The following ANKRD23 variants were observed in gnomAD, a reference collection of about 807,000 sequenced individuals.
The protein encoded by ANKRD23 is ankyrin repeat domain-containing protein 23.
A neutral mutation model predicts 38.1 loss-of-function variants in ANKRD23; 52 were observed. The observed-to-expected ratio is 1.36, with a 90% CI of 1.09 to 1.72. The LOEUF (loss-of-function observed/expected upper bound fraction) is 1.72, where lower values mean the gene tolerates loss of function less well. Among genes scored for constraint, ANKRD23 ranks in the 40% most tolerant of loss-of-function variants. The probability of loss-of-function intolerance (pLI) is 0.00; values close to 1 mark genes in which losing one functional copy is unlikely to be tolerated. For missense variants in ANKRD23, 416 were observed against 400.2 expected (o/e 1.04, Z -0.34); for synonymous variants, 167 against 162.9 (o/e 1.03, Z -0.19).
In ANKRD23 at chr2:96,838,552, C is replaced by T. The variant is rs1026541238; in HGVS notation, c.*997G>A. 5.8e-5 allele frequency: 57 copies of T among 985,720 alleles called. No homozygotes were observed. The highest frequency in any genetic ancestry group is 6.4e-5 in the Non-Finnish European group (53 of 830,280). The allele number at this position is 985,720 out of a possible 1,614,324, so 61.1% of individuals were successfully genotyped here. On this transcript the variant is annotated 3_prime_UTR_variant, in exon 9 of 9. Transcript: ENST00000318357. Reference sequence around the variant, plus strand: ...CAGAGCTCCTCAGTGTCCTGGCCTCCCAGGTGGGATCAAGCAGGGTGGGTG... The same window carrying T: ...CAGAGCTCCTCAGTGTCCTGGCCTCTCAGGTGGGATCAAGCAGGGTGGGTG...
In ANKRD23 at chr2:96,840,413, C is replaced by T; in HGVS notation, c.525+3G>A. The T allele has an allele frequency of 1.2e-6, 2 of 1,614,002 alleles. No homozygotes were observed. The highest frequency in any genetic ancestry group is 1.7e-6 in the Non-Finnish European group (2 of 1,180,000). On this transcript the variant is annotated splice_donor_region_variant and intron_variant, in intron 5 of 8. Transcript: ENST00000318357. ...CAGAGGCTGGGCCTTTCCCCATCCT[C>T]ACCAAGTCTCGCGCGTCCACTGTGG...
rs1299335921 is a variant in ANKRD23 at position 96,838,836 on chromosome 2, T to C, written c.*713A>G. 1.0e-6 allele frequency: 1 copy of C among 985,532 alleles called. No homozygotes were observed. Among genetic ancestry groups the C allele is most frequent in the Non-Finnish European group, 1.2e-6 (1 of 830,000 alleles). The allele number at this position is 985,532 out of a possible 1,614,324, so 61.0% of individuals were successfully genotyped here. On this transcript the variant is annotated 3_prime_UTR_variant, in exon 9 of 9. Coordinates refer to ENST00000318357, the MANE Select transcript of ANKRD23 (RefSeq NM_144994.8). The stretch of plus-strand genomic sequence containing the variant: ...TCCAGCTCATCAGTCTTAGGGCTTC[T>C]GAGGCAACCTAGTGGGTCCTGGACT...
rs898769107 is a variant in ANKRD23, at chr2:96,842,036, C to T, written c.300+24G>A. 3.1e-6 allele frequency: 5 copies of T among 1,613,056 alleles called. No homozygotes were observed. The East Asian group carries it at 8.9e-5, about 29-fold the overall frequency. On this transcript the variant is annotated intron_variant, in intron 3 of 8. Coordinates refer to ENST00000318357, the MANE Select transcript of ANKRD23 (RefSeq NM_144994.8). ...AACTGGAGCCCTGGTGTGTGCACTG[C>T]CCTAACCCCGACCTCCCACTCACCT...
intron 1 of ANKRD23, among the ~76,000 whole-genome samples, chr2:96,843,313 C>T (rs548424492): frequency 8.5e-5 from 13 of 152,060 alleles, no homozygotes; most frequent in Non-Finnish European, 1.9e-4. Flanking sequence ...GCCAGCAGCC[C>T]ACAGATGGGC....
Position 96,838,634 on chromosome 2 carries a change from A to C in ANKRD23, c.*915T>G. 2.0e-6 allele frequency: 2 copies of C among 985,528 alleles called. No homozygotes were observed. Among genetic ancestry groups the C allele is most frequent in the South Asian group, 9.4e-5 (2 of 21,292 alleles). 61.0% of individuals were successfully genotyped at this position (985,528 alleles called of 1,614,324 possible). On this transcript the variant is annotated 3_prime_UTR_variant, in exon 9 of 9. Transcript: ENST00000318357. ...TCCAGTACCAGGAACATAAGGGGAC[A>C]TAAGGGCCTCAGGCAAACTAGGGTT...
Position 96,839,045 on chromosome 2 carries a change from G to A in ANKRD23, c.*504C>T, listed in dbSNP as rs1020013660. On this transcript the variant is annotated 3_prime_UTR_variant, in exon 9 of 9. Coordinates refer to ENST00000318357, the MANE Select transcript of ANKRD23 (RefSeq NM_144994.8). ...GCATCCACCAGCTGCAGACAGGCCC[G>A]GCCCCTGCATGGCCTGCCTTGGCTG... 11 of 986,362 alleles carry A rather than the reference G, an allele frequency of 1.1e-5. No individual in the cohort carries two copies. The highest frequency in any genetic ancestry group is 1.1e-5 in the Non-Finnish European group (9 of 830,744). 61.1% of individuals were successfully genotyped at this position (986,362 alleles called of 1,614,324 possible).
intron 7 of ANKRD23, 30 bp from the exon 8 acceptor site, chr2:96,839,855 G>C: frequency 3.1e-6 from 5 of 1,595,526 alleles, no homozygotes; most frequent in Non-Finnish European, 4.3e-6. Flanking sequence ...TCAAGCTTCT[G>C]CCTCCGCGTG....
chr2:96,839,710 G>A lies in ANKRD23; in HGVS notation c.822+17C>T. On this transcript the variant is annotated intron_variant, in intron 8 of 8. Transcript: ENST00000318357. The stretch of plus-strand genomic sequence containing the variant: ...ACCCGCCCTCGGGTCAGGAGCCAGG[G>A]CTGCGCCCACACTCACCGCGTTCCG... 1 of 1,611,348 alleles carries A rather than the reference G, an allele frequency of 6.2e-7. No homozygotes were observed. The highest frequency in any genetic ancestry group is 8.5e-7 in the Non-Finnish European group (1 of 1,179,070).
In ANKRD23 at chr2:96,843,926, C is replaced by T. The variant is rs368255794; in HGVS notation, c.27+40G>A. 166 of 1,593,596 alleles carry T rather than the reference C, an allele frequency of 1.0e-4. No homozygotes were observed. The African/African-American group carries it at 1.9e-3, about 18-fold the overall frequency. On this transcript the variant is annotated intron_variant, in intron 1 of 8. Transcript: ENST00000318357. ...TCTAGCCAGCCTCCTCCTATCAAGC[C>T]GGTCCCAGGGTGCCTCCCACCTCCG...
chr2:96,840,302 C>G lies in ANKRD23; in HGVS notation c.554G>C (p.Cys185Ser), dbSNP rs2079745090. 2 of 1,608,998 alleles carry G rather than the reference C, an allele frequency of 1.2e-6. No individual in the cohort carries two copies. Among genetic ancestry groups the G allele is most frequent in the African/African-American group, 1.3e-5 (1 of 74,856 alleles). ...GAGGATGACCAGATGTCCTCCGCGG[C>G]AGGCCCAGAACACAGGTGTCCTGTC... ...LLDRTPVFWA[C>S]RGGHLVILKQ... is the part of the protein sequence containing the mutation. The change falls in exon 6 of 9, where the codon TGC becomes TCC. Residue 185 changes from cysteine (C) to serine (S), a missense_variant. Transcript: ENST00000318357.
At chr2:96,841,548 G>A (rs537205644) in intron 3 of ANKRD23, among the ~76,000 whole-genome samples, 111 of 140,624 alleles carry the variant, frequency 7.9e-4, no homozygotes, top group South Asian at 1.3e-3. Flanking sequence ...GCAGTAATCC[G>A]AGATCGTGCC....
Position 96,838,746 on chromosome 2 carries a change from G to C in ANKRD23, c.*803C>G. 1 of 985,648 alleles carries C rather than the reference G, an allele frequency of 1.0e-6. No homozygotes were observed. Among genetic ancestry groups the C allele is most frequent in the Non-Finnish European group, 1.2e-6 (1 of 830,078 alleles). 61.1% of individuals were successfully genotyped at this position (985,648 alleles called of 1,614,324 possible). A position where few individuals can be genotyped will look rare whatever the true frequency, so the allele number is the denominator to read the frequency against. On this transcript the variant is annotated 3_prime_UTR_variant, in exon 9 of 9. Coordinates refer to ENST00000318357, the MANE Select transcript of ANKRD23 (RefSeq NM_144994.8). ...CCATGAGAGCCGCCAGCAGGCAACG[G>C]TGTGCCAGGCCGGCCTGAGCGGGGC...
chr2:96,841,968 TC>T, intron 3 of ANKRD23, 91 bp downstream of exon 3: 2 of 1,566,254 alleles, frequency 1.3e-6, no homozygotes, highest in Non-Finnish European at 1.7e-6. Context: ...GGCTGTGTGG[TC>T]CTGGCCTGCA....
At position 96,838,332 on chromosome 2, in the gene ANKRD23, AT is replaced by A. The variant is rs1202310369; in HGVS notation, c.*1216del. On this transcript the variant is annotated 3_prime_UTR_variant, in exon 9 of 9. Transcript: ENST00000318357. ...TCAGTTTAGGGCAGAGCTTCTTAAG[AT>A]TCACTTTCTGGCGTTTAGGGGCCCA... 1 of 984,830 alleles carries A rather than the reference AT, an allele frequency of 1.0e-6. No homozygotes were observed. The highest frequency in any genetic ancestry group is 1.7e-5 in the African/African-American group (1 of 57,162). The allele number at this position is 984,830 out of a possible 1,614,324, so 61.0% of individuals were successfully genotyped here.
rs1266305683 is a variant in ANKRD23 at position 96,842,172 on chromosome 2, T to A, written c.188A>T (p.Asn63Ile). Residue 63 changes from asparagine to isoleucine, a missense_variant, in exon 3 of 9, where the codon AAC (asparagine) becomes ATC (isoleucine). Coordinates refer to ENST00000318357, the MANE Select transcript of ANKRD23 (RefSeq NM_144994.8). Reference sequence around the variant, plus strand: ...GTTATCCAGATTAAATCTGGTACTGTTAAATCTTTCAAGCTGGGGCAGAAG... The same window carrying A: ...GTTATCCAGATTAAATCTGGTACTGATAAATCTTTCAAGCTGGGGCAGAAG... Reference protein sequence around the residue: ...EEKKKKLERFNSTRFNLDNLA... With the variant: ...EEKKKKLERFISTRFNLDNLA... The A allele has an allele frequency of 6.2e-7, 1 of 1,614,042 alleles. No individual in the cohort carries two copies. The highest frequency in any genetic ancestry group is 1.3e-5 in the African/African-American group (1 of 74,904).
Position 96,839,094 on chromosome 2 carries a change from T to G in ANKRD23, c.*455A>C. 1 of 989,476 alleles carries G rather than the reference T, an allele frequency of 1.0e-6. No homozygotes were observed. Among genetic ancestry groups the G allele is most frequent in the Non-Finnish European group, 1.2e-6 (1 of 832,860 alleles). The allele number at this position is 989,476 out of a possible 1,614,324, so 61.3% of individuals were successfully genotyped here. On this transcript the variant is annotated 3_prime_UTR_variant, in exon 9 of 9. Transcript: ENST00000318357. ...TGCACCTTGTACATCCTGGATGGCATCTGCCGGCCACGGGCTGAGTCCCCA... is the reference window on the plus strand; with the variant it reads ...TGCACCTTGTACATCCTGGATGGCAGCTGCCGGCCACGGGCTGAGTCCCCA...
chr2:96,841,032 G>T (rs578060796), intron 3 of ANKRD23, 120 bp from the exon 4 acceptor site: 5 of 1,235,718 alleles, frequency 4.0e-6, no homozygotes, highest in African/African-American at 1.5e-5. Flanking sequence ...CTGCTGGCTC[G>T]TACTAATGCA....
chr2:96,838,714 C>T lies in ANKRD23; in HGVS notation c.*835G>A, dbSNP rs937211828. On this transcript the variant is annotated 3_prime_UTR_variant, in exon 9 of 9. Transcript: ENST00000318357. ...CCACAAGCAATCCCCAGTGCCCAGG[C>T]GCTTCCCCATGAGAGCCGCCAGCAG... 30 of 985,640 alleles carry T rather than the reference C, an allele frequency of 3.0e-5. No individual in the cohort carries two copies. The highest frequency in any genetic ancestry group is 1.8e-4 in the Admixed American group (3 of 16,290). The allele number at this position is 985,640 out of a possible 1,614,324, so 61.1% of individuals were successfully genotyped here.
rs907404908 is a variant in ANKRD23, at chr2:96,839,364, G to A, written c.*185C>T. 2.4e-6 allele frequency: 3 copies of A among 1,256,774 alleles called. No homozygotes were observed. Among genetic ancestry groups the A allele is most frequent in the Non-Finnish European group, 3.0e-6 (3 of 1,003,458 alleles). 77.9% of individuals were successfully genotyped at this position (1,256,774 alleles called of 1,614,324 possible). ...CTCCCCTGACACTCGAAGCCAGGGA[G>A]GCCTCTCTCTTTGCCTGCTGGGCCC... On this transcript the variant is annotated 3_prime_UTR_variant, in exon 9 of 9. Transcript: ENST00000318357.
Sources: allele counts gnomAD v4.1 joint callset (sites outside exome capture counted in the v4.1 genomes callset), GRCh38; gene constraint gnomAD v4.1.1; transcripts MANE v1.5; gene names NCBI Gene and HGNC (gene_info 2026-07-23, HGNC 2026-07-21).